The following PCDHGA6 variants were observed in gnomAD, a reference collection of about 807,000 sequenced individuals.
PCDHGA6 encodes the protein protocadherin gamma-A6.
A neutral mutation model predicts 60.6 loss-of-function variants in PCDHGA6; 41 were observed. The ratio of observed to expected loss-of-function variants is 0.68; its 90% CI spans 0.53 to 0.88. The LOEUF is 0.88. Among genes scored for constraint, PCDHGA6 ranks in the 40% least tolerant of loss-of-function variants. The pLI, the probability that PCDHGA6 is intolerant of heterozygous loss-of-function variation, is 0.00. For missense variants in PCDHGA6, 1,312 were observed against 1,203.0 expected (o/e 1.09, Z -1.34); for synonymous variants, 594 against 524.4 (o/e 1.13, Z -1.81).
intron 1 of PCDHGA6, among the ~76,000 whole-genome samples, chr5:141,397,773 T>C (rs2093568087): frequency 1.3e-5 from 2 of 152,218 alleles, no homozygotes; most frequent in African/African-American, 2.4e-5. Context: ...ATTAAGTATA[T>C]GGACGTAAAA....
intron 1 of PCDHGA6, chr5:141,385,668 C>G (rs2090319612): frequency 2.3e-6 from 1 of 428,688 alleles, no homozygotes; most frequent in African/African-American, 2.1e-5. Flanking sequence ...AGGAATAAAA[C>G]ACACCTCAGC....
At chr5:141,410,804 T>A in intron 1 of PCDHGA6, 1 of 674,100 alleles carries the variant, frequency 1.5e-6, no homozygotes, top group Non-Finnish European at 2.3e-6. Flanking sequence ...TTGCTCTATC[T>A]TTTTGTAAAA....
At position 141,373,908 on chromosome 5, in the gene PCDHGA6, A is replaced by C; in HGVS notation, c.-176A>C. On this transcript the variant is annotated 5_prime_UTR_variant, in exon 1 of 4. Coordinates refer to ENST00000517434, the MANE Select transcript of PCDHGA6 (RefSeq NM_018919.3). ...GGAAACTCAAGTTACATCCTCCAAC[A>C]ACAAAGCAAATTAGACGGGAAAGCA... The C allele has an allele frequency of 1.6e-6, 1 of 621,550 alleles. No individual in the cohort carries two copies. Among genetic ancestry groups the C allele is most frequent in the Non-Finnish European group, 2.6e-6 (1 of 391,028 alleles). The allele number at this position is 621,550 out of a possible 1,614,324, so 38.5% of individuals were successfully genotyped here.
At chr5:141,434,763 C>T (rs2097714876) in intron 1 of PCDHGA6, among the ~76,000 whole-genome samples, 1 of 151,296 alleles carries the variant, frequency 6.6e-6, no homozygotes, top group South Asian at 2.1e-4. Flanking sequence ...TTCCCCACTT[C>T]ACACTTCTAA....
rs766191511 is a variant in PCDHGA6, at chr5:141,432,498, G to T, written c.2424+55991G>T. ...TCCACTGGCGTGGAGCTGGCTCCCC[G>T]CTCCGCAGAGCCCGGCTACCTGGTG... On this transcript the variant is annotated intron_variant, in intron 1 of 3. Coordinates refer to ENST00000517434, the MANE Select transcript of PCDHGA6 (RefSeq NM_018919.3). The surrounding 1 kb of genome is among the most constrained non-coding windows in gnomAD (Gnocchi z 6.0). The T allele has an allele frequency of 6.2e-7, 1 of 1,614,106 alleles. No homozygotes were observed. The highest frequency in any genetic ancestry group is 8.5e-7 in the Non-Finnish European group (1 of 1,180,052).
chr5:141,408,463 G>T, intron 1 of PCDHGA6: 1 of 1,614,014 alleles, frequency 6.2e-7, no homozygotes, highest in Non-Finnish European at 8.5e-7. Context: ...TACTTGTGAA[G>T]AACCGAATAG....
At chr5:141,456,635 A>G (rs558958846) in intron 1 of PCDHGA6, among the ~76,000 whole-genome samples, 17 of 152,194 alleles carry the variant, frequency 1.1e-4, no homozygotes, top group Non-Finnish European at 2.2e-4. Context: ...CTTCTTTACT[A>G]CAGGTGTTAA....
At chr5:141,409,631 T>C (rs773588699) in intron 1 of PCDHGA6, 27 of 1,613,698 alleles carry the variant, frequency 1.7e-5, no homozygotes, top group Non-Finnish European at 2.2e-5. Context: ...AGTGAGCGCC[T>C]CTGACCCGGA....
chr5:141,416,722 A>G (rs891558095), intron 1 of PCDHGA6: 3 of 152,258 alleles, frequency 2.0e-5, no homozygotes, highest in Admixed American at 6.5e-5. Context: ...TGATGAGTTC[A>G]TTTAGTTCAA....
intron 1 of PCDHGA6, chr5:141,393,251 G>A: frequency 6.2e-7 from 1 of 1,613,814 alleles, no homozygotes; most frequent in Non-Finnish European, 8.5e-7. Context: ...ACGAAATCGC[G>A]GTTCCTGGAG....
At chr5:141,437,896 C>T (rs943440712) in intron 1 of PCDHGA6, among the ~76,000 whole-genome samples, 2 of 152,128 alleles carry the variant, frequency 1.3e-5, no homozygotes, top group African/African-American at 4.8e-5. Flanking sequence ...CGCCACCACA[C>T]CCAGCTAATT....
At chr5:141,383,700 C>G in intron 1 of PCDHGA6, 1 of 1,613,936 alleles carries the variant, frequency 6.2e-7, no homozygotes, top group South Asian at 1.1e-5. Flanking sequence ...TACATGCTAT[C>G]GACCTGGACG....
Position 141,375,630 on chromosome 5 carries a change from C to A in PCDHGA6, c.1547C>A (p.Ala516Asp), listed in dbSNP as rs1162494057. 6.2e-7 allele frequency: 1 copy of A among 1,614,246 alleles called. No individual in the cohort carries two copies. The highest frequency in any genetic ancestry group is 1.3e-5 in the African/African-American group (1 of 75,072). The change falls in exon 1 of 4, where the codon GCC becomes GAC. Residue 516 changes from alanine to aspartate, a missense_variant. Ala to Asp is a moderately radical substitution (Grantham distance 126). Coordinates refer to ENST00000517434, the MANE Select transcript of PCDHGA6 (RefSeq NM_018919.3). The part of the protein sequence containing the change: ...SINSDTGILY[A>D]LRSFDYEQLR... ...AACTCCGACACTGGGATTCTGTACG[C>A]CCTGCGCTCCTTCGACTATGAGCAG...
chr5:141,432,887 T>A lies in PCDHGA6; in HGVS notation c.2424+56380T>A, dbSNP rs146168033. On this transcript the variant is annotated intron_variant, in intron 1 of 3. Coordinates refer to ENST00000517434, the MANE Select transcript of PCDHGA6 (RefSeq NM_018919.3). The surrounding 1 kb of genome is among the most constrained non-coding windows in gnomAD (Gnocchi z 6.0). ...CTGCGTCTTCCTGGCCTTCGTCATC[T>A]TGCTGCTGGCGCTCAGGCTGCGGCG... 1.2e-6 allele frequency: 2 copies of A among 1,614,056 alleles called. No homozygotes were observed. Among genetic ancestry groups the A allele is most frequent in the Non-Finnish European group, 1.7e-6 (2 of 1,179,998 alleles).
chr5:141,405,016 C>A (rs538744733), intron 1 of PCDHGA6: 1 of 1,614,006 alleles, frequency 6.2e-7, no homozygotes, highest in African/African-American at 1.3e-5. Flanking sequence ...AGGCCTCAGA[C>A]CTTACCCTCT....
intron 1 of PCDHGA6, among the ~76,000 whole-genome samples, chr5:141,483,889 CT>C (rs1298469461): frequency 6.6e-6 from 1 of 151,866 alleles, no homozygotes; most frequent in Admixed American, 6.6e-5. Flanking sequence ...TTCTATTTCT[CT>C]GAGCTCTGGT....
chr5:141,437,756 T>A (rs1208576922), intron 1 of PCDHGA6, among the ~76,000 whole-genome samples: 1 of 151,718 alleles, frequency 6.6e-6, no homozygotes, highest in Non-Finnish European at 1.5e-5. Flanking sequence ...TTTTTTTTTT[T>A]GAGACAGAGT....
At chr5:141,398,746 T>TAC in intron 1 of PCDHGA6, 1 of 1,613,420 alleles carries the variant, frequency 6.2e-7, no homozygotes, top group South Asian at 1.1e-5. Context: ...ACAACAGAGT[T>TAC]ACCATCGTTT....
Position 141,374,863 on chromosome 5 carries a change from A to C in PCDHGA6, c.780A>C (p.Pro260=), listed in dbSNP as rs1588752717. Residue 260 remains proline (P), a synonymous_variant, in exon 1 of 4, where the codon CCA becomes CCC. Transcript: ENST00000517434. ...CTGAAAACCTGCCAGTAGGCACACC[A>C]GTGTTGGCAGTGACTGCCACCGACC... ...SVPENLPVGT[P]VLAVTATDQD... 6.2e-7 allele frequency: 1 copy of C among 1,613,784 alleles called. No homozygotes were observed. Among genetic ancestry groups the C allele is most frequent in the Non-Finnish European group, 8.5e-7 (1 of 1,179,900 alleles).
Sources: gnomAD v4.1 joint callset for allele counts (sites outside exome capture counted in the v4.1 genomes callset) on GRCh38, gnomAD v4.1.1 for gene constraint, Gnocchi (gnomAD v3.1) non-coding constraint, MANE v1.5 for transcripts, NCBI Gene and HGNC (gene_info 2026-07-23, HGNC 2026-07-21) for gene names.